The following ACER3 variants were observed in gnomAD, a reference collection of about 807,000 sequenced individuals.
ACER3 encodes the protein alkCDase 3.
In ACER3, 16 loss-of-function variants were observed where a neutral mutation model predicts 48.9. The observed-to-expected ratio is 0.33, with a 90% CI of 0.22 to 0.50. ACER3 has a LOEUF of 0.50. Ranked by LOEUF, ACER3 falls within the 20% of genes least tolerant of loss-of-function variation. The probability of loss-of-function intolerance (pLI) is 0.98; values close to 1 mark genes in which losing one functional copy is unlikely to be tolerated. For missense variants in ACER3, 227 were observed against 326.0 expected (o/e 0.70, Z 2.34); for synonymous variants, 109 against 107.8 (o/e 1.01, Z -0.07).
At chr11:76,881,007 G>A (rs77958677) in intron 1 of ACER3, among the ~76,000 whole-genome samples, 6,665 of 152,118 alleles carry the variant, frequency 0.044, 193 homozygotes, top group Non-Finnish European at 0.068. Context: ...TATAATACCA[G>A]CAGTTTGGGA....
chr11:76,945,819 C>A (rs562486828), intron 2 of ACER3, among the ~76,000 whole-genome samples: 1 of 152,140 alleles, frequency 6.6e-6, no homozygotes, highest in Non-Finnish European at 1.5e-5. Flanking sequence ...CTGGGAGCCA[C>A]GTGGTCTTTG....
At chr11:76,882,541 T>C (rs928630101) in intron 1 of ACER3, among the ~76,000 whole-genome samples, 1 of 152,230 alleles carries the variant, frequency 6.6e-6, no homozygotes, top group East Asian at 1.9e-4. Flanking sequence ...TATTTTATCT[T>C]AATTCCTTGA....
intron 3 of ACER3, among the ~76,000 whole-genome samples, chr11:76,971,546 A>G (rs1371252693): frequency 2.6e-5 from 4 of 151,686 alleles, no homozygotes; most frequent in Admixed American, 2.6e-4. Context: ...TCAAAAAAAA[A>G]GAAAAAAAAA....
At chr11:76,892,761 T>G (rs1439329617) in intron 1 of ACER3, among the ~76,000 whole-genome samples, 1 of 152,200 alleles carries the variant, frequency 6.6e-6, no homozygotes, top group Admixed American at 6.5e-5. Context: ...TAAGAAACAC[T>G]GTTTAAGAAA....
chr11:76,895,610 T>G (rs1945908598), intron 1 of ACER3, among the ~76,000 whole-genome samples: 1 of 152,184 alleles, frequency 6.6e-6, no homozygotes, highest in Non-Finnish European at 1.5e-5. Flanking sequence ...AGCTTCTCTA[T>G]TTCCCTCATT....
intron 7 of ACER3, among the ~76,000 whole-genome samples, chr11:77,013,669 C>T (rs1326612262): frequency 6.6e-6 from 1 of 152,158 alleles, no homozygotes; most frequent in Non-Finnish European, 1.5e-5. Flanking sequence ...AACAGTGTAG[C>T]AGTATCTTGA....
intron 1 of ACER3, among the ~76,000 whole-genome samples, chr11:76,925,469 A>AT (rs996547417): frequency 6.6e-6 from 1 of 152,158 alleles, no homozygotes; most frequent in Non-Finnish European, 1.5e-5. Context: ...GCCCATTGGC[A>AT]TTTTTTCCCC....
intron 1 of ACER3, 134 bp downstream of exon 1, chr11:76,861,213 C>A: frequency 2.4e-6 from 2 of 818,416 alleles, no homozygotes; most frequent in Non-Finnish European, 3.7e-6. Flanking sequence ...GAATGCGGCG[C>A]CCTGGGCCAG....
At chr11:77,005,499 A>G (rs1949116203) in intron 7 of ACER3, among the ~76,000 whole-genome samples, 1 of 152,142 alleles carries the variant, frequency 6.6e-6, no homozygotes, top group Non-Finnish European at 1.5e-5. Context: ...GGCTTTAAAT[A>G]ACTAAAATTT....
At chr11:76,948,211 C>CTGTGTGTGTGTGTGTGTG (rs57302394) in intron 2 of ACER3, among the ~76,000 whole-genome samples, 2 of 135,664 alleles carry the variant, frequency 1.5e-5, no homozygotes, top group Non-Finnish European at 1.6e-5. Context: ...CTGGCTCACT[C>CTGTGTGTGTGTGTGTGTG]TGTGTGTGTG....
At chr11:77,018,371 C>T (rs1949411768) in intron 9 of ACER3, among the ~76,000 whole-genome samples, 1 of 152,176 alleles carries the variant, frequency 6.6e-6, no homozygotes, top group African/African-American at 2.4e-5. Flanking sequence ...CAGTCTCTTT[C>T]CTTCTCCTCC....
intron 7 of ACER3, among the ~76,000 whole-genome samples, chr11:77,006,796 G>C (rs1329367257): frequency 6.6e-6 from 1 of 151,904 alleles, no homozygotes; most frequent in Non-Finnish European, 1.5e-5. Flanking sequence ...TTTGGCTATA[G>C]TTTGTCTTAA....
intron 6 of ACER3, chr11:76,994,188 A>G (rs951004971): frequency 8.8e-6 from 4 of 452,970 alleles, no homozygotes; most frequent in Non-Finnish European, 1.8e-5. Context: ...CTGAAGTGCA[A>G]TGGCACAATC....
intron 3 of ACER3, among the ~76,000 whole-genome samples, chr11:76,975,883 T>C (rs1371845904): frequency 1.4e-5 from 2 of 142,990 alleles, no homozygotes; most frequent in Non-Finnish European, 3.0e-5. Flanking sequence ...TCTTTTTTTT[T>C]TTTTTTTTTT....
At chr11:76,872,855 G>A (rs1590862655) in intron 1 of ACER3, among the ~76,000 whole-genome samples, 1 of 151,040 alleles carries the variant, frequency 6.6e-6, no homozygotes, top group East Asian at 1.9e-4. Flanking sequence ...TGTGGCCTTA[G>A]AGTCTGCATT....
chr11:76,872,071 G>A (rs1209836019), intron 1 of ACER3, among the ~76,000 whole-genome samples: 1 of 98,200 alleles, frequency 1.0e-5, no homozygotes, highest in African/African-American at 4.3e-5. Context: ...CCCAAACCCT[G>A]GCATAGGCTG....
intron 9 of ACER3, 118 bp downstream of exon 9, chr11:77,016,897 T>A: frequency 1.8e-6 from 1 of 541,496 alleles, no homozygotes; most frequent in Non-Finnish European, 3.2e-6. Flanking sequence ...ACATGAAAAT[T>A]AAATAGTACA....
chr11:76,964,362 G>A (rs972568275), intron 3 of ACER3, among the ~76,000 whole-genome samples: 3 of 151,426 alleles, frequency 2.0e-5, no homozygotes, highest in African/African-American at 7.4e-5. Flanking sequence ...AGGCCTGCCT[G>A]CCTCTATAGG....
intron 4 of ACER3, among the ~76,000 whole-genome samples, chr11:76,979,853 G>A (rs1345457627): frequency 2.2e-5 from 3 of 139,126 alleles, no homozygotes; most frequent in African/African-American, 7.8e-5. Flanking sequence ...AAAAAAAACA[G>A]GTTTAGCTGG....
Sources: gnomAD v4.1 joint callset for allele counts (sites outside exome capture counted in the v4.1 genomes callset) on GRCh38, gnomAD v4.1.1 for gene constraint, MANE v1.5 for transcripts, NCBI Gene and HGNC (gene_info 2026-07-23, HGNC 2026-07-21) for gene names.